The following QPCT variants were observed in gnomAD, a reference collection of about 807,000 sequenced individuals.
QPCT encodes the protein EC.
QPCT carries 44 observed loss-of-function variants against 43.4 expected under a neutral mutation model. The observed-to-expected ratio is 1.01, with a 90% CI of 0.80 to 1.30. The LOEUF (loss-of-function observed/expected upper bound fraction) is 1.30. QPCT is among the 50% of genes most tolerant of loss of function. QPCT has a pLI of 0.00. For missense variants in QPCT, 526 were observed against 436.5 expected, an observed-to-expected ratio of 1.21 and a Z score of -1.83; for synonymous variants, 168 against 168.4, an observed-to-expected ratio of 1.00 and a Z score of 0.02.
rs2124941648 is a variant in QPCT, at chr2:37,367,002, C to G, written c.547-230C>G. ...GAGTAAGAAAAAATATAAAAGACTT[C>G]TATTTTCAGAGGGAATGGAAGAAGG... On this transcript the variant is annotated intron_variant, in intron 3 of 6. Coordinates refer to ENST00000338415, the MANE Select transcript of QPCT (RefSeq NM_012413.4). The G allele has an allele frequency of 6.4e-6, 3 of 471,700 alleles. No homozygotes were observed. In the East Asian group the frequency reaches 1.2e-4, roughly 18 times the overall value. 29.2% of individuals were successfully genotyped at this position (471,700 alleles called of 1,614,324 possible).
At chr2:37,370,873 A>C (rs981952382) in intron 5 of QPCT, among the ~76,000 whole-genome samples, 2 of 152,220 alleles carry the variant, frequency 1.3e-5, no homozygotes, top group Admixed American at 6.5e-5. Flanking sequence ...GATGAAAATG[A>C]GATTGATCTT....
intron 2 of QPCT, among the ~76,000 whole-genome samples, chr2:37,356,040 G>T (rs1572731368): frequency 6.6e-6 from 1 of 152,136 alleles, no homozygotes; most frequent in African/African-American, 2.4e-5. Flanking sequence ...TCCTGACGAC[G>T]ATGTGTTTGC....
At chr2:37,362,871 TAG>T (rs1223958658) in intron 3 of QPCT, among the ~76,000 whole-genome samples, 1 of 152,214 alleles carries the variant, frequency 6.6e-6, no homozygotes, top group East Asian at 1.9e-4. Context: ...TATGTGGATG[TAG>T]AGATTCCCAC....
At chr2:37,358,292 T>A (rs1672789749) in intron 2 of QPCT, among the ~76,000 whole-genome samples, 2 of 151,894 alleles carry the variant, frequency 1.3e-5, no homozygotes, top group Non-Finnish European at 2.9e-5. Context: ...CAAAAGTTAG[T>A]CAGGCATGGT....
In QPCT at chr2:37,347,231, C is replaced by CATATATATATAACAT. The variant is rs764663825; in HGVS notation, c.120+2391_120+2392insACATATATATATATA. On this transcript the variant is annotated intron_variant, in intron 1 of 6. Coordinates refer to ENST00000338415, the MANE Select transcript of QPCT (RefSeq NM_012413.4). ...ACATATATATAACATATATATATAACATATATATATATATAACATATATAT... is the reference window on the plus strand; with the variant it reads ...ACATATATATAACATATATATATAACATATATATATAACATATATATATATATATAACATATATAT... Among the ~76,000 whole-genome samples the CATATATATATAACAT allele has an allele frequency of 4.0e-4, 22 of 55,622 alleles. 2 individuals are homozygous for CATATATATATAACAT. Among genetic ancestry groups the CATATATATATAACAT allele is most frequent in the African/African-American group, 1.7e-3 (19 of 11,316 alleles). 36.5% of individuals were successfully genotyped at this position (55,622 alleles called of 152,430 possible). A position where few individuals can be genotyped will look rare whatever the true frequency, so the allele number is the denominator to read the frequency against.
At chr2:37,367,187 C>T in intron 3 of QPCT, 45 bp from the exon 4 acceptor site, 1 of 1,534,072 alleles carries the variant, frequency 6.5e-7, no homozygotes, top group Admixed American at 1.9e-5. Flanking sequence ...TATTTTTCAT[C>T]ATCACAGTAT....
In QPCT at chr2:37,373,058, T is replaced by C; in HGVS notation, c.*231T>C. 8.6e-6 allele frequency: 3 copies of C among 348,358 alleles called. No individual in the cohort carries two copies. The highest frequency in any genetic ancestry group is 1.5e-5 in the Non-Finnish European group (3 of 196,604). The allele number at this position is 348,358 out of a possible 1,614,324, so 21.6% of individuals were successfully genotyped here. ...TACAGATTGAAAAAGAGGGACCGTG[T>C]AAAGAAAATGGAAAATAAATATCTT... is the stretch of plus-strand genomic sequence containing the variant. On this transcript the variant is annotated 3_prime_UTR_variant, in exon 7 of 7. Coordinates refer to ENST00000338415, the MANE Select transcript of QPCT (RefSeq NM_012413.4).
intron 1 of QPCT, among the ~76,000 whole-genome samples, chr2:37,346,218 A>T (rs1346176520): frequency 1.3e-5 from 2 of 152,236 alleles, no homozygotes; most frequent in African/African-American, 2.4e-5. Flanking sequence ...CCACTTACAC[A>T]TGGAGACCAC....
chr2:37,350,051 A>G (rs897196369), intron 1 of QPCT, among the ~76,000 whole-genome samples: 10 of 152,152 alleles, frequency 6.6e-5, no homozygotes, highest in African/African-American at 2.4e-4. Flanking sequence ...TGTATGAAAG[A>G]CAGACATTAA....
intron 1 of QPCT, among the ~76,000 whole-genome samples, chr2:37,345,063 C>A (rs1672453310): frequency 6.6e-6 from 1 of 152,172 alleles, no homozygotes; most frequent in Admixed American, 6.5e-5. Flanking sequence ...TCTGGAGACG[C>A]CAGGGGGGCT....
intron 3 of QPCT, among the ~76,000 whole-genome samples, chr2:37,361,549 C>T (rs1357932732): frequency 1.3e-5 from 2 of 152,158 alleles, no homozygotes; most frequent in African/African-American, 2.4e-5. Context: ...CTTGCTCTTC[C>T]GTGTCTTTGC....
intron 1 of QPCT, among the ~76,000 whole-genome samples, chr2:37,348,063 C>CTTGT (rs1227697325): frequency 3.4e-5 from 5 of 148,388 alleles, no homozygotes; most frequent in African/African-American, 1.2e-4. Flanking sequence ...CGCGCGCACG[C>CTTGT]GTGTGTGTGT....
chr2:37,367,951 T>C lies in QPCT; in HGVS notation c.723+543T>C, dbSNP rs533194415. On this transcript the variant is annotated intron_variant, in intron 4 of 6. Transcript: ENST00000338415. Reference sequence around the variant, plus strand: ...TAAAATGATAAAATCATGTAAAAAATTGGATTACAGGAACTTCAGATTCAG... The same window carrying C: ...TAAAATGATAAAATCATGTAAAAAACTGGATTACAGGAACTTCAGATTCAG... 7.9e-5 allele frequency among the ~76,000 whole-genome samples: 12 copies of C among 152,180 alleles called. No individual in the cohort carries two copies. The South Asian group carries it at 1.5e-3, about 18-fold the overall frequency.
At chr2:37,345,187 C>A (rs1227638734) in intron 1 of QPCT, among the ~76,000 whole-genome samples, 1 of 152,156 alleles carries the variant, frequency 6.6e-6, no homozygotes, top group Non-Finnish European at 1.5e-5. Context: ...ATCGCGGCGC[C>A]ACCCCCCACT....
At position 37,367,426 on chromosome 2, in the gene QPCT, C is replaced by T; in HGVS notation, c.723+18C>T. 6.2e-7 allele frequency: 1 copy of T among 1,607,060 alleles called. No individual in the cohort carries two copies. Among genetic ancestry groups the T allele is most frequent in the Non-Finnish European group, 8.5e-7 (1 of 1,177,528 alleles). On this transcript the variant is annotated intron_variant, in intron 4 of 6. Transcript: ENST00000338415. ...ATGGCATGGTTAGTCTGGGCAATTT[C>T]CCTAGCACTGTAGCTGTAGGCTCCG...
At chr2:37,344,881 T>G in intron 1 of QPCT, 30 bp downstream of exon 1, 20 of 1,552,572 alleles carry the variant, frequency 1.3e-5, no homozygotes, top group Non-Finnish European at 1.7e-5. Flanking sequence ...TAGTTGTACT[T>G]GAGCGGCTCT....
In QPCT at chr2:37,347,141, G is replaced by GTTTTTT. The variant is rs796387281; in HGVS notation, c.120+2294_120+2295insTTTTTT. Among the ~76,000 whole-genome samples the GTTTTTT allele has an allele frequency of 2.5e-3, 46 of 18,216 alleles. 2 individuals carry two copies. Among genetic ancestry groups the GTTTTTT allele is most frequent in the Non-Finnish European group, 3.8e-3 (36 of 9,530 alleles). 12.0% of individuals were successfully genotyped at this position (18,216 alleles called of 152,430 possible). On this transcript the variant is annotated intron_variant, in intron 1 of 6. Transcript: ENST00000338415. ...AGGCATTGGCATCTGGGTATGGGGT[G>GTTTTTT]TTTTATATATATATATATATATAAC...
At position 37,359,791 on chromosome 2, in the gene QPCT, C is replaced by A. The variant is rs146653010; in HGVS notation, c.479C>A (p.Ser160Ter). Residue 160 changes from serine to a stop codon, truncating the protein, a stop_gained, in exon 3 of 7, where the codon TCA (serine) becomes TAA (stop). Transcript: ENST00000338415. LOFTEE classifies it high-confidence loss of function. Reference protein sequence around the residue: ...NNRVFVGATDSAVPCAMMLEL... With the variant: ...NNRVFVGATD Reference sequence around the variant, plus strand: ...AGAGTGTTTGTAGGAGCCACTGATTCAGCCGTGCCATGTGCAATGATGTTG... The same window carrying A: ...AGAGTGTTTGTAGGAGCCACTGATTAAGCCGTGCCATGTGCAATGATGTTG... 294 of 1,614,200 alleles carry A rather than the reference C, an allele frequency of 1.8e-4. No homozygotes were observed. Among genetic ancestry groups the A allele is most frequent in the Non-Finnish European group, 2.2e-4 (262 of 1,180,002 alleles).
intron 1 of QPCT, among the ~76,000 whole-genome samples, chr2:37,349,592 A>G (rs1391329975): frequency 4.6e-5 from 7 of 152,244 alleles, no homozygotes; most frequent in Admixed American, 1.3e-4. Flanking sequence ...TTGGACAGTA[A>G]GCAGACAAGG....
Sources: allele counts gnomAD v4.1 joint callset (sites outside exome capture counted in the v4.1 genomes callset), GRCh38; gene constraint gnomAD v4.1.1; transcripts MANE v1.5; gene names NCBI Gene and HGNC (gene_info 2026-07-23, HGNC 2026-07-21).